Variants in AUTS2 observed in about 807,000 individuals in gnomAD.
AUTS2 encodes autism susceptibility gene 2 protein.
In AUTS2, 17 loss-of-function variants were observed where a neutral mutation model predicts 112.4. The observed-to-expected ratio is 0.15, with a 90% confidence interval of 0.10 to 0.23. The LOEUF is 0.23. AUTS2 is among the 10% of genes least tolerant of loss of function. AUTS2 has a pLI of 1.00. For missense variants in AUTS2, 1,510 were observed against 1,701.6 expected (o/e 0.89, Z 1.98); for synonymous variants, 751 against 702.7 (o/e 1.07, Z -1.09).
rs1563029433 is a variant in AUTS2 at position 70,003,261 on chromosome 7, A to ATATATGAATATATT, written c.522+103763_522+103764insTATATGAATATATT. On this transcript the variant is annotated intron_variant, in intron 2 of 18. Coordinates refer to ENST00000342771, the MANE Select transcript of AUTS2 (RefSeq NM_015570.4). ...ATGAATATATTATATATGAATATAT[A>ATATATGAATATATT]ATATATTATATATGTGAATATATAT... is the stretch of plus-strand genomic sequence containing the variant. Among the ~76,000 whole-genome samples, 11 of 119,976 alleles carry ATATATGAATATATT rather than the reference A, an allele frequency of 9.2e-5. 1 individual carries two copies. The highest frequency in any genetic ancestry group is 4.1e-4 in the African/African-American group (11 of 26,768). The allele number at this position is 119,976 out of a possible 152,430, so 78.7% of individuals were successfully genotyped here.
intron 13 of AUTS2, 71 bp downstream of exon 13, chr7:70,775,457 A>G (rs1790624508): frequency 7.4e-6 from 9 of 1,214,728 alleles, no homozygotes; most frequent in Non-Finnish European, 9.6e-6. Flanking sequence ...ATACAAGTCT[A>G]TTACAAGGAA....
chr7:70,511,556 A>ATTGTCTTTTTTTTTTTTT (rs1563005631), intron 5 of AUTS2, among the ~76,000 whole-genome samples: 1 of 41,766 alleles, frequency 2.4e-5, no homozygotes, highest in Non-Finnish European at 5.2e-5. Flanking sequence ...ACTTTTTTTC[A>ATTGTCTTTTTTTTTTTTT]TTTTCTTTTT....
intron 5 of AUTS2, among the ~76,000 whole-genome samples, chr7:70,579,944 A>G (rs1160677855): frequency 6.6e-6 from 1 of 152,142 alleles, no homozygotes; most frequent in Non-Finnish European, 1.5e-5. Context: ...AGGATGACCA[A>G]CTGCTCTGAG....
chr7:69,601,084 C>T (rs1009318109), intron 1 of AUTS2, among the ~76,000 whole-genome samples: 6 of 151,976 alleles, frequency 3.9e-5, no homozygotes, highest in Non-Finnish European at 5.9e-5. Flanking sequence ...GGTCATTGGC[C>T]TCTATAAATT....
chr7:70,329,032 C>T (rs1333002832), intron 4 of AUTS2, among the ~76,000 whole-genome samples: 1 of 152,192 alleles, frequency 6.6e-6, no homozygotes, highest in African/African-American at 2.4e-5. Context: ...ATCATACACT[C>T]TGTGACCTTT....
chr7:69,763,580 G>A (rs778750608), intron 1 of AUTS2, among the ~76,000 whole-genome samples: 42 of 152,136 alleles, frequency 2.8e-4, no homozygotes, highest in East Asian at 1.9e-4. Flanking sequence ...AGACTAGACC[G>A]AGACTGTGGG....
intron 2 of AUTS2, among the ~76,000 whole-genome samples, chr7:70,050,005 A>C (rs1801675636): frequency 6.6e-6 from 1 of 152,190 alleles, no homozygotes; most frequent in South Asian, 2.1e-4. Flanking sequence ...TTTAGGGCTA[A>C]AGAAATTATC....
At chr7:70,115,108 C>T (rs1047820556) in intron 2 of AUTS2, among the ~76,000 whole-genome samples, 1 of 152,102 alleles carries the variant, frequency 6.6e-6, no homozygotes, top group African/African-American at 2.4e-5. Context: ...GGGTTTTGCC[C>T]TTAGCCTAGA....
intron 5 of AUTS2, among the ~76,000 whole-genome samples, chr7:70,581,382 G>T (rs543735277): frequency 1.3e-5 from 2 of 151,976 alleles, no homozygotes; most frequent in Non-Finnish European, 2.9e-5. Context: ...GCGAAACTCC[G>T]TCTCAATAAA....
intron 4 of AUTS2, among the ~76,000 whole-genome samples, chr7:70,371,623 A>G (rs1222806530): frequency 6.6e-6 from 1 of 152,174 alleles, no homozygotes; most frequent in Non-Finnish European, 1.5e-5. Context: ...TTGGCTACAC[A>G]TGAGGCATTT....
Position 69,936,418 on chromosome 7 carries a change from C to T in AUTS2, c.522+36920C>T, listed in dbSNP as rs182508625. Among the ~76,000 whole-genome samples, 16 of 152,164 alleles carry T rather than the reference C, an allele frequency of 1.1e-4. No individual in the cohort carries two copies. In the East Asian group the frequency reaches 2.1e-3, roughly 20 times the overall value. On this transcript the variant is annotated intron_variant, in intron 2 of 18. Coordinates refer to ENST00000342771, the MANE Select transcript of AUTS2 (RefSeq NM_015570.4). ...AGGCTGGAGTGCAGTGGCGTGATCT[C>T]GGCTCATTGCAAGCTCCACCTCCTG...
At chr7:70,208,329 A>G (rs1311731397) in intron 4 of AUTS2, among the ~76,000 whole-genome samples, 1 of 152,142 alleles carries the variant, frequency 6.6e-6, no homozygotes, top group African/African-American at 2.4e-5. Context: ...GCCTTTGATG[A>G]CCCCATGACA....
At chr7:69,868,021 C>A (rs1024508653) in intron 1 of AUTS2, among the ~76,000 whole-genome samples, 1 of 151,426 alleles carries the variant, frequency 6.6e-6, no homozygotes, top group African/African-American at 2.4e-5. Flanking sequence ...CCTACATAGG[C>A]ATATATTTGA....
chr7:70,487,232 C>T (rs1318980233), intron 5 of AUTS2, among the ~76,000 whole-genome samples: 3 of 139,048 alleles, frequency 2.2e-5, no homozygotes, highest in East Asian at 3.9e-4. Flanking sequence ...CTCCCCCGCG[C>T]CCCCCTCCCA....
At chr7:70,290,223 T>A (rs893906561) in intron 4 of AUTS2, 19 of 836,818 alleles carry the variant, frequency 2.3e-5, no homozygotes, top group Admixed American at 4.1e-5. Context: ...CATAAGCTTA[T>A]GTTTTTCTGT....
rs1009754926 is a variant in AUTS2, at chr7:69,797,911, G to A, written c.310-101375G>A. Among the ~76,000 whole-genome samples the A allele has an allele frequency of 9.9e-5, 15 of 152,036 alleles. No homozygotes were observed. The East Asian group carries it at 1.2e-3, about 12-fold the overall frequency. ...CATCTTAGAAAGTCTCTTTACTTTCGAAAGGAAGGAGACTTGTATAGTGAG... is the reference window on the plus strand; with the variant it reads ...CATCTTAGAAAGTCTCTTTACTTTCAAAAGGAAGGAGACTTGTATAGTGAG... On this transcript the variant is annotated intron_variant, in intron 1 of 18. Transcript: ENST00000342771.
At chr7:70,572,576 A>T (rs369419696) in intron 5 of AUTS2, among the ~76,000 whole-genome samples, 5 of 152,318 alleles carry the variant, frequency 3.3e-5, no homozygotes, top group African/African-American at 1.2e-4. Context: ...AGCTTTCATT[A>T]TGCATGTTCC....
intron 1 of AUTS2, among the ~76,000 whole-genome samples, chr7:69,731,161 A>G (rs538529586): frequency 3.3e-5 from 5 of 152,094 alleles, no homozygotes; most frequent in Non-Finnish European, 7.4e-5. Context: ...GTGTGGTGGT[A>G]TGCACCTTAA....
intron 1 of AUTS2, among the ~76,000 whole-genome samples, chr7:69,631,135 TAC>T (rs1247147755): frequency 6.6e-6 from 1 of 152,144 alleles, no homozygotes; most frequent in Non-Finnish European, 1.5e-5. Flanking sequence ...AGGATTCACA[TAC>T]TTCCCAAAAG....
Sources: gnomAD v4.1 joint callset for allele counts (sites outside exome capture counted in the v4.1 genomes callset) on GRCh38, gnomAD v4.1.1 for gene constraint, MANE v1.5 for transcripts, NCBI Gene and HGNC (gene_info 2026-07-23, HGNC 2026-07-21) for gene names.